Variants in BACH2 observed in about 807,000 individuals in gnomAD.
The protein encoded by BACH2 is BACH transcriptional regulator 2.
A neutral mutation model predicts 61.8 loss-of-function variants in BACH2; 5 were observed. The ratio of observed to expected loss-of-function variants is 0.08; its 90% CI spans 0.04 to 0.17. BACH2 has a LOEUF of 0.17. Ranked by LOEUF, BACH2 falls within the 10% of genes least tolerant of loss-of-function variation. The probability of loss-of-function intolerance (pLI) is 1.00; values close to 1 mark genes in which losing one functional copy is unlikely to be tolerated. For missense variants in BACH2, 824 were observed against 1,091.1 expected (o/e 0.76, Z 3.45); for synonymous variants, 446 against 440.1 (o/e 1.01, Z -0.17).
chr6:90,237,161 G>T (rs1379957770), intron 3 of BACH2, among the ~76,000 whole-genome samples: 8 of 152,152 alleles, frequency 5.3e-5, no homozygotes, highest in Non-Finnish European at 1.2e-4. Flanking sequence ...CTGACCTCAC[G>T]ATCCATCCAC....
intron 4 of BACH2, among the ~76,000 whole-genome samples, chr6:90,196,482 TC>T (rs1449237149): frequency 6.6e-6 from 1 of 152,348 alleles, no homozygotes; most frequent in East Asian, 1.9e-4. Flanking sequence ...TGTTTAATAT[TC>T]CTTTTCTTAT....
intron 4 of BACH2, among the ~76,000 whole-genome samples, chr6:90,197,111 A>G (rs779314634): frequency 6.9e-4 from 105 of 152,342 alleles, no homozygotes; most frequent in Non-Finnish European, 9.7e-4. Flanking sequence ...TATATTCAAA[A>G]GCACAAGATT....
chr6:90,202,761 A>G (rs528584805), intron 4 of BACH2, among the ~76,000 whole-genome samples: 1 of 152,338 alleles, frequency 6.6e-6, no homozygotes, highest in African/African-American at 2.4e-5. Context: ...AGAAGAGTAA[A>G]GGATCATAAT....
At chr6:90,055,688 T>C (rs1780304550) in intron 5 of BACH2, among the ~76,000 whole-genome samples, 2 of 150,416 alleles carry the variant, frequency 1.3e-5, no homozygotes, top group African/African-American at 5.0e-5. Context: ...TCACCAAAGT[T>C]GAAATGAAGG....
At chr6:90,187,566 T>C (rs768795426) in intron 4 of BACH2, among the ~76,000 whole-genome samples, 27 of 152,218 alleles carry the variant, frequency 1.8e-4, no homozygotes, top group Non-Finnish European at 1.9e-4. Flanking sequence ...CACTGAGGAC[T>C]CTGCTTTGCA....
Position 89,997,169 on chromosome 6 carries a change from T to C in BACH2, c.243+11433A>G, listed in dbSNP as rs1013635177. Among the ~76,000 whole-genome samples, 5 of 152,146 alleles carry C rather than the reference T, an allele frequency of 3.3e-5. No homozygotes were observed. In the South Asian group the frequency reaches 1.0e-3, roughly 32 times the overall value. ...TTGGGATGCTATTTCTTCTTGTCAGTGAATGAGACATCTGGTCAACATCTA... is the reference window on the plus strand; with the variant it reads ...TTGGGATGCTATTTCTTCTTGTCAGCGAATGAGACATCTGGTCAACATCTA... On this transcript the variant is annotated intron_variant, in intron 6 of 8. Transcript: ENST00000257749.
At chr6:90,097,657 A>G (rs1782435533) in intron 4 of BACH2, among the ~76,000 whole-genome samples, 1 of 152,244 alleles carries the variant, frequency 6.6e-6, no homozygotes, top group African/African-American at 2.4e-5. Context: ...CTTTTTAAAA[A>G]TTATGGTAAA....
intron 4 of BACH2, among the ~76,000 whole-genome samples, chr6:90,165,420 A>G (rs891143469): frequency 4.6e-5 from 7 of 152,198 alleles, no homozygotes; most frequent in African/African-American, 1.7e-4. Flanking sequence ...ATACAAACAA[A>G]TGGAAGAACA....
At chr6:90,240,795 C>T (rs1042773382) in intron 3 of BACH2, among the ~76,000 whole-genome samples, 2 of 152,092 alleles carry the variant, frequency 1.3e-5, no homozygotes, top group African/African-American at 4.8e-5. Context: ...CATCTGCAGG[C>T]CACAAGACAG....
intron 5 of BACH2, among the ~76,000 whole-genome samples, chr6:90,071,774 C>G (rs1464580373): frequency 6.6e-6 from 1 of 152,172 alleles, no homozygotes; most frequent in Non-Finnish European, 1.5e-5. Context: ...TCACTGATAA[C>G]ATAAATAGTC....
intron 4 of BACH2, among the ~76,000 whole-genome samples, chr6:90,200,354 G>A (rs756038891): frequency 6.6e-6 from 1 of 152,170 alleles, no homozygotes; most frequent in Non-Finnish European, 1.5e-5. Context: ...AAATGGCACA[G>A]TACCGAGTAA....
chr6:90,190,068 C>T (rs147972627), intron 4 of BACH2, among the ~76,000 whole-genome samples: 421 of 152,220 alleles, frequency 2.8e-3, no homozygotes, highest in African/African-American at 9.6e-3. Flanking sequence ...CTCAGCCTCC[C>T]GAGTAGCTGG....
At position 90,261,071 on chromosome 6, in the gene BACH2, G is replaced by A. The variant is rs543949339; in HGVS notation, c.-352-8481C>T. Reference sequence around the variant, plus strand: ...AGCAGTTGGGCCATCAGTCAACTACGCTTCTAGCTGTAGATCTAAGCACTT... The same window carrying A: ...AGCAGTTGGGCCATCAGTCAACTACACTTCTAGCTGTAGATCTAAGCACTT... On this transcript the variant is annotated intron_variant, in intron 2 of 8. Transcript: ENST00000257749. Among the ~76,000 whole-genome samples the A allele has an allele frequency of 1.1e-4, 16 of 152,298 alleles. No homozygotes were observed. The South Asian group carries it at 2.9e-3, about 28-fold the overall frequency.
intron 4 of BACH2, among the ~76,000 whole-genome samples, chr6:90,123,762 T>A (rs1320545711): frequency 7.2e-5 from 6 of 82,988 alleles, no homozygotes; most frequent in African/African-American, 2.4e-4. Flanking sequence ...AGAGCGAGAC[T>A]CCGTCTCAAA....
At chr6:90,156,821 T>A (rs912701140) in intron 4 of BACH2, among the ~76,000 whole-genome samples, 8 of 151,802 alleles carry the variant, frequency 5.3e-5, no homozygotes, top group African/African-American at 1.7e-4. Flanking sequence ...AAAAGTAGGG[T>A]CTAAAATACA....
chr6:90,095,146 C>T (rs991334799), intron 4 of BACH2, among the ~76,000 whole-genome samples: 7 of 151,864 alleles, frequency 4.6e-5, no homozygotes, highest in East Asian at 1.9e-4. Context: ...AGTAGTCGCA[C>T]GCCATTTTAT....
At chr6:90,164,293 C>CA (rs1213161887) in intron 4 of BACH2, among the ~76,000 whole-genome samples, 3 of 152,176 alleles carry the variant, frequency 2.0e-5, no homozygotes, top group African/African-American at 7.2e-5. Context: ...CATCTCTACG[C>CA]AAAAAACTTG....
chr6:89,984,987 CCAAA>C (rs1236886685), intron 6 of BACH2, among the ~76,000 whole-genome samples: 1 of 152,148 alleles, frequency 6.6e-6, no homozygotes, highest in Non-Finnish European at 1.5e-5. Flanking sequence ...CACTGGGAAC[CCAAA>C]CAATTATCCT....
intron 6 of BACH2, among the ~76,000 whole-genome samples, chr6:89,989,557 G>A (rs752867128): frequency 7.9e-4 from 120 of 152,238 alleles, no homozygotes; most frequent in Non-Finnish European, 1.3e-3. Flanking sequence ...GATATCCTCC[G>A]GGCGTGGAGC....
Sources: allele counts gnomAD v4.1 joint callset (sites outside exome capture counted in the v4.1 genomes callset), GRCh38; gene constraint gnomAD v4.1.1; transcripts MANE v1.5; gene names NCBI Gene and HGNC (gene_info 2026-07-23, HGNC 2026-07-21).